Variants in RFX7 observed in about 807,000 individuals in gnomAD.
The protein encoded by RFX7 is DNA-binding protein RFX7.
In RFX7, 26 loss-of-function variants were observed where a neutral mutation model predicts 111.8. That is an observed-to-expected ratio of 0.23 (90% CI 0.17 to 0.32). The LOEUF is 0.32. Among genes scored for constraint, RFX7 ranks in the 10% least tolerant of loss-of-function variants. RFX7 has a pLI of 1.00. For missense variants in RFX7, 1,573 were observed against 1,772.9 expected (o/e 0.89, Z 2.02); for synonymous variants, 624 against 624.4 (o/e 1.00, Z 0.01).
intron 2 of RFX7, among the ~76,000 whole-genome samples, chr15:56,201,831 C>T (rs2043195724): frequency 6.6e-6 from 1 of 152,078 alleles, no homozygotes; most frequent in Non-Finnish European, 1.5e-5. Context: ...GAGATTGAGA[C>T]CATCCTGGCT....
chr15:56,148,837 T>G (rs1024675856), intron 3 of RFX7, among the ~76,000 whole-genome samples: 44 of 152,096 alleles, frequency 2.9e-4, no homozygotes, highest in Non-Finnish European at 2.9e-5. Context: ...ATCCCAGAAC[T>G]TTGGGAGGCT....
At chr15:56,173,806 C>A (rs1439825687) in intron 3 of RFX7, among the ~76,000 whole-genome samples, 1 of 151,298 alleles carries the variant, frequency 6.6e-6, no homozygotes, top group African/African-American at 2.4e-5. Context: ...AAAAAAGGGA[C>A]CACAAAAATG....
intron 2 of RFX7, among the ~76,000 whole-genome samples, chr15:56,238,891 T>C (rs550053198): frequency 6.6e-6 from 1 of 152,280 alleles, no homozygotes; most frequent in South Asian, 2.1e-4. Context: ...TGGAGTGCAG[T>C]GGCATGATCT....
At chr15:56,110,286 G>A (rs1458700778) in intron 5 of RFX7, among the ~76,000 whole-genome samples, 7 of 63,362 alleles carry the variant, frequency 1.1e-4, no homozygotes, top group Non-Finnish European at 1.6e-4. Flanking sequence ...TCAGCCCCCC[G>A]CCTGGCCAGC....
At chr15:56,133,252 GA>G (rs58972697) in intron 5 of RFX7, among the ~76,000 whole-genome samples, 90 of 152,136 alleles carry the variant, frequency 5.9e-4, no homozygotes, top group African/African-American at 2.1e-3. Flanking sequence ...TTTGCATACT[GA>G]AAGCTCCTTA....
chr15:56,178,003 C>T (rs1180447506), intron 3 of RFX7, among the ~76,000 whole-genome samples: 3 of 151,766 alleles, frequency 2.0e-5, no homozygotes, highest in Non-Finnish European at 4.4e-5. Context: ...TTTTGTATTC[C>T]TTATGAGTAA....
intron 3 of RFX7, among the ~76,000 whole-genome samples, chr15:56,156,713 C>G (rs1219565868): frequency 2.6e-5 from 4 of 152,152 alleles, no homozygotes; most frequent in African/African-American, 9.7e-5. Context: ...GTTTATTTCT[C>G]CAGATTCTTG....
chr15:56,087,305 ATT>A lies in RFX7; in HGVS notation c.*6038_*6039del. ...TGTGAGTTAAACCAGAAAGACATTTATTTCTCTCATGTAAAACACATCCAGAG... is the reference window on the plus strand; with the variant it reads ...TGTGAGTTAAACCAGAAAGACATTTATCTCTCATGTAAAACACATCCAGAG... On this transcript the variant is annotated 3_prime_UTR_variant, in exon 10 of 10. Transcript: ENST00000559447. 1 of 371,310 alleles carries A rather than the reference ATT, an allele frequency of 2.7e-6. No individual in the cohort carries two copies. The highest frequency in any genetic ancestry group is 5.4e-6 in the Non-Finnish European group (1 of 186,032). 23.0% of individuals were successfully genotyped at this position (371,310 alleles called of 1,614,324 possible).
chr15:56,141,240 C>G (rs1318032936), intron 5 of RFX7, among the ~76,000 whole-genome samples: 1 of 147,470 alleles, frequency 6.8e-6, no homozygotes, highest in African/African-American at 2.5e-5. Context: ...GTTAGCTACT[C>G]AGAGGGCTGA....
chr15:56,222,329 C>G (rs1393398827), intron 2 of RFX7, among the ~76,000 whole-genome samples: 3 of 152,066 alleles, frequency 2.0e-5, no homozygotes, highest in Non-Finnish European at 4.4e-5. Context: ...AGTAATTGTA[C>G]TCGTTGTGCT....
intron 7 of RFX7, 133 bp from the exon 8 acceptor site, chr15:56,101,699 C>A (rs1418850563): frequency 3.7e-6 from 3 of 800,034 alleles, no homozygotes; most frequent in East Asian, 2.7e-5. Context: ...AATTGACCCA[C>A]TGGCAGACAT....
chr15:56,180,472 C>T (rs1427363533), intron 2 of RFX7, among the ~76,000 whole-genome samples: 1 of 152,128 alleles, frequency 6.6e-6, no homozygotes, highest in African/African-American at 2.4e-5. Flanking sequence ...AATTCATTGG[C>T]ACCTAACTTG....
rs368258249 is a variant in RFX7 at position 56,141,656 on chromosome 15, A to AATATATATATATATATATATATAT, written c.401+1121_401+1122insATATATATATATATATATATATAT. ...TAATGAAGAATCTATGCTTACTCTA[A>AATATATATATATATATATATATAT]ATATATATATATATATATATGCATA... On this transcript the variant is annotated intron_variant, in intron 5 of 9. Transcript: ENST00000559447. Among the ~76,000 whole-genome samples the AATATATATATATATATATATATAT allele has an allele frequency of 4.4e-3, 363 of 83,020 alleles. 19 individuals are homozygous for AATATATATATATATATATATATAT. Among genetic ancestry groups the AATATATATATATATATATATATAT allele is most frequent in the African/African-American group, 0.011 (160 of 15,232 alleles). 54.5% of individuals were successfully genotyped at this position (83,020 alleles called of 152,430 possible). A position where few individuals can be genotyped will look rare whatever the true frequency, so the allele number is the denominator to read the frequency against.
At chr15:56,186,349 G>C (rs1264220822) in intron 2 of RFX7, among the ~76,000 whole-genome samples, 1 of 152,150 alleles carries the variant, frequency 6.6e-6, no homozygotes, top group Non-Finnish European at 1.5e-5. Context: ...TCTGTATGAG[G>C]ACATGAAAAC....
intron 2 of RFX7, among the ~76,000 whole-genome samples, chr15:56,180,750 C>CAAAAAAAA (rs869160446): frequency 3.8e-4 from 25 of 65,448 alleles, no homozygotes; most frequent in African/African-American, 8.4e-4. Context: ...TACTAAAATA[C>CAAAAAAAA]AAAAAAAAAA....
Position 56,098,262 on chromosome 15 carries a change from C to T in RFX7, c.926G>A (p.Arg309Gln). The T allele has an allele frequency of 6.8e-6, 11 of 1,613,898 alleles. No homozygotes were observed. Among genetic ancestry groups the T allele is most frequent in the Middle Eastern group, 1.6e-4 (1 of 6,062 alleles). ...SPIDAKQQLQRKIQKKQQEQK... is the reference protein window; with the variant it reads ...SPIDAKQQLQQKIQKKQQEQK... ...TTCTTGCTGCTTCTTCTGGATTTTC[C>T]GTTGCAACTGCTGTTTAGCATCAAT... Residue 309 changes from arginine (R) to glutamine (Q), a missense_variant, in exon 9 of 10, where the codon CGG (arginine) becomes CAG (glutamine). By Grantham distance (43) the Arg-to-Gln change is conservative. Transcript: ENST00000559447.
In RFX7 at chr15:56,091,760, T is replaced by C. The variant is rs1228328349; in HGVS notation, c.*1585A>G. The C allele has an allele frequency of 6.6e-6, 1 of 152,528 alleles. No individual in the cohort carries two copies. The highest frequency in any genetic ancestry group is 1.5e-5 in the Non-Finnish European group (1 of 67,958). 9.4% of individuals were successfully genotyped at this position (152,528 alleles called of 1,614,324 possible). ...CCAATAACTAAGACATATCAATATA[T>C]AAACCTCTGCGCCAACTCTAGCACC... is the stretch of plus-strand genomic sequence containing the variant. On this transcript the variant is annotated 3_prime_UTR_variant, in exon 10 of 10. Coordinates refer to ENST00000559447, the MANE Select transcript of RFX7 (RefSeq NM_022841.7).
At chr15:56,236,447 CA>C (rs2043624626) in intron 2 of RFX7, among the ~76,000 whole-genome samples, 1 of 152,040 alleles carries the variant, frequency 6.6e-6, no homozygotes, top group African/African-American at 2.4e-5. Flanking sequence ...CTCCAAAAAG[CA>C]GAAGAGAAAG....
In RFX7 at chr15:56,102,253, T is replaced by C. The variant is rs2041763854; in HGVS notation, c.519A>G (p.Lys173=). Residue 173 remains lysine, a splice_region_variant and synonymous_variant, in exon 7 of 10, where the codon AAA becomes AAG. Coordinates refer to ENST00000559447, the MANE Select transcript of RFX7 (RefSeq NM_022841.7). The part of the protein sequence containing the change: ...ARRLGTRGKS[K]YCYSGLRKKA... ...TTTTTCTTAGTCCACTGTAGCAATA[T>C]GTAATAAACAGTTAAGGTCTAAATA... 6.3e-7 allele frequency: 1 copy of C among 1,593,270 alleles called. No individual in the cohort carries two copies. Among genetic ancestry groups the C allele is most frequent in the Non-Finnish European group, 8.6e-7 (1 of 1,162,908 alleles).
Sources: allele counts gnomAD v4.1 joint callset (sites outside exome capture counted in the v4.1 genomes callset), GRCh38; gene constraint gnomAD v4.1.1; transcripts MANE v1.5; gene names NCBI Gene and HGNC (gene_info 2026-07-23, HGNC 2026-07-21).